UTRN: variants seen among roughly 807,000 people sequenced by gnomAD.
UTRN encodes dystrophin-related protein 1.
In UTRN, 283 loss-of-function variants were observed where a neutral mutation model predicts 463.9. The observed-to-expected ratio is 0.61, with a 90% CI of 0.55 to 0.67. The LOEUF (loss-of-function observed/expected upper bound fraction) is 0.67, where lower values mean the gene tolerates loss of function less well. UTRN is among the 30% of genes least tolerant of loss of function. The probability of loss-of-function intolerance (pLI) is 0.00; values close to 1 mark genes in which losing one functional copy is unlikely to be tolerated. For synonymous variants in UTRN, 1,442 were observed against 1,431.5 expected (o/e 1.01, Z -0.17); for missense variants, 3,922 against 4,084.3 (o/e 0.96, Z 1.08).
chr6:144,383,077 A>G (rs981419620), intron 2 of UTRN, among the ~76,000 whole-genome samples: 1 of 138,098 alleles, frequency 7.2e-6, no homozygotes, highest in Non-Finnish European at 1.6e-5. Context: ...GACCACAGGC[A>G]TATGCCACCA....
At chr6:144,835,751 C>T (rs1294548472) in intron 69 of UTRN, 29 bp from the exon 70 acceptor site, 2 of 1,612,726 alleles carry the variant, frequency 1.2e-6, no homozygotes, top group African/African-American at 2.7e-5. Context: ...AGATGTGAGC[C>T]TCTGGGTCTG....
At chr6:144,506,413 C>T (rs114320948) in intron 34 of UTRN, among the ~76,000 whole-genome samples, 5 of 152,124 alleles carry the variant, frequency 3.3e-5, no homozygotes, top group East Asian at 1.9e-4. Flanking sequence ...TTTTCATTTC[C>T]GTATTTAGTG....
At chr6:144,544,872 C>T (rs913202394) in intron 46 of UTRN, among the ~76,000 whole-genome samples, 1 of 152,084 alleles carries the variant, frequency 6.6e-6, no homozygotes. Context: ...GGGCTGCTTA[C>T]GTATCCTCTT....
At chr6:144,634,440 G>A (rs1218927911) in intron 51 of UTRN, among the ~76,000 whole-genome samples, 2 of 152,126 alleles carry the variant, frequency 1.3e-5, no homozygotes, top group African/African-American at 2.4e-5. Flanking sequence ...TGGCTGGGAT[G>A]GCGTAAGTTC....
At chr6:144,364,604 G>GT (rs1169582549) in intron 2 of UTRN, among the ~76,000 whole-genome samples, 3 of 152,184 alleles carry the variant, frequency 2.0e-5, no homozygotes, top group Admixed American at 2.0e-4. Context: ...ATGAGTCCGT[G>GT]TATTTGTTTC....
chr6:144,793,002 T>G (rs535690830), intron 62 of UTRN, among the ~76,000 whole-genome samples: 2 of 152,104 alleles, frequency 1.3e-5, no homozygotes, highest in Non-Finnish European at 2.9e-5. Flanking sequence ...AATTTTTAAA[T>G]TTGATTAAAT....
At chr6:144,723,868 G>A (rs1787499484) in intron 53 of UTRN, among the ~76,000 whole-genome samples, 1 of 151,608 alleles carries the variant, frequency 6.6e-6, no homozygotes, top group East Asian at 2.0e-4. Context: ...AAATTGGCCA[G>A]GCATGGTGGT....
intron 51 of UTRN, among the ~76,000 whole-genome samples, chr6:144,633,405 A>G (rs1562681818): frequency 1.3e-5 from 2 of 151,426 alleles, no homozygotes; most frequent in East Asian, 1.9e-4. Flanking sequence ...AATATTTTGT[A>G]TTTTTTTTAG....
At chr6:144,701,115 C>A (rs376601076) in intron 53 of UTRN, among the ~76,000 whole-genome samples, 1 of 152,134 alleles carries the variant, frequency 6.6e-6, no homozygotes, top group Non-Finnish European at 1.5e-5. Context: ...CCATGTTGGT[C>A]AGGCTGGTCT....
intron 2 of UTRN, among the ~76,000 whole-genome samples, chr6:144,376,390 A>T (rs1465449178): frequency 6.6e-6 from 1 of 150,854 alleles, no homozygotes; most frequent in Non-Finnish European, 1.5e-5. Context: ...GGGAGGCGTG[A>T]GTTGCAGTGA....
chr6:144,440,499 CT>C (rs1228067373), intron 13 of UTRN, 28 bp downstream of exon 13: 1 of 1,613,750 alleles, frequency 6.2e-7, no homozygotes, highest in Admixed American at 1.7e-5. Flanking sequence ...TTGGATAATC[CT>C]GAGGGACCTG....
intron 2 of UTRN, among the ~76,000 whole-genome samples, chr6:144,402,073 A>T (rs1401498859): frequency 3.9e-5 from 6 of 152,240 alleles, no homozygotes; most frequent in Admixed American, 6.5e-5. Flanking sequence ...TGACTCTTTT[A>T]CTGGCTTTAA....
At chr6:144,724,622 A>C (rs939062181) in intron 53 of UTRN, among the ~76,000 whole-genome samples, 1 of 151,896 alleles carries the variant, frequency 6.6e-6, no homozygotes, top group Non-Finnish European at 1.5e-5. Context: ...TTAAGCAACG[A>C]GTAATCTACT....
chr6:144,473,705 A>ATCATT lies in UTRN; in HGVS notation c.3067-11_3067-10insTTCAT, dbSNP rs768690457. 1.1e-5 allele frequency: 17 copies of ATCATT among 1,608,480 alleles called. 1 individual carries two copies. The Middle Eastern group carries it at 5.0e-4, about 47-fold the overall frequency. On this transcript the variant is annotated splice_polypyrimidine_tract_variant and intron_variant, in intron 23 of 74. Coordinates refer to ENST00000367545, the MANE Select transcript of UTRN (RefSeq NM_007124.3). ...TCACGAAGTAATATCCCCCTCTGTTATCATGTTCGATTAGGCCGATTCAAC... is the reference window on the plus strand; with the variant it reads ...TCACGAAGTAATATCCCCCTCTGTTATCATTTCATGTTCGATTAGGCCGATTCAAC...
intron 2 of UTRN, among the ~76,000 whole-genome samples, chr6:144,315,805 A>C (rs1255366420): frequency 1.3e-5 from 2 of 152,192 alleles, no homozygotes; most frequent in African/African-American, 4.8e-5. Context: ...CTACCTGAAA[A>C]GCACTTTATA....
At chr6:144,334,258 AC>A (rs1776546080) in intron 2 of UTRN, among the ~76,000 whole-genome samples, 1 of 125,400 alleles carries the variant, frequency 8.0e-6, no homozygotes, top group South Asian at 2.7e-4. Flanking sequence ...TGAAATCCAG[AC>A]CCTAGAGTCA....
chr6:144,818,883 C>A (rs1779315309), intron 65 of UTRN, among the ~76,000 whole-genome samples: 2 of 150,362 alleles, frequency 1.3e-5, no homozygotes, highest in Admixed American at 6.6e-5. Context: ...CTCCCAACTA[C>A]AATCTGTTGT....
intron 60 of UTRN, among the ~76,000 whole-genome samples, chr6:144,778,017 T>A (rs977393904): frequency 6.6e-6 from 1 of 152,212 alleles, no homozygotes; most frequent in African/African-American, 2.4e-5. Context: ...TATTTCATGT[T>A]TGGATATTTT....
At chr6:144,763,477 G>A (rs1450678475) in intron 58 of UTRN, among the ~76,000 whole-genome samples, 2 of 152,138 alleles carry the variant, frequency 1.3e-5, no homozygotes, top group Admixed American at 1.3e-4. Context: ...GTAAAATCTT[G>A]GGGAGCGAGT....
Sources: allele counts gnomAD v4.1 joint callset (sites outside exome capture counted in the v4.1 genomes callset), GRCh38; gene constraint gnomAD v4.1.1; transcripts MANE v1.5; gene names NCBI Gene and HGNC (gene_info 2026-07-23, HGNC 2026-07-21).